Variants in GALNTL6 observed in about 807,000 individuals in gnomAD.
GALNTL6 encodes the protein polypeptide N-acetylgalactosaminyltransferase-like 6.
In GALNTL6, 46 loss-of-function variants were observed where a neutral mutation model predicts 73.7. That is an observed-to-expected ratio of 0.62 (90% CI 0.49 to 0.80). GALNTL6 has a LOEUF of 0.80. Ranked by LOEUF, GALNTL6 falls within the 30% of genes least tolerant of loss-of-function variation. The pLI is 0.00. For missense variants in GALNTL6, 604 were observed against 755.0 expected (o/e 0.80, Z 2.34); for synonymous variants, 259 against 263.7 (o/e 0.98, Z 0.17).
chr4:172,372,403 A>T (rs993927950), intron 5 of GALNTL6, among the ~76,000 whole-genome samples: 3 of 152,170 alleles, frequency 2.0e-5, no homozygotes, highest in Admixed American at 2.0e-4. Flanking sequence ...TTTGGCACCT[A>T]GTATGCCATT....
intron 2 of GALNTL6, among the ~76,000 whole-genome samples, chr4:172,130,041 G>A (rs903328719): frequency 6.6e-6 from 1 of 152,114 alleles, no homozygotes; most frequent in African/African-American, 2.4e-5. Context: ...AGGAAAGTAA[G>A]GGAACACAGA....
intron 5 of GALNTL6, among the ~76,000 whole-genome samples, chr4:172,618,860 A>T (rs2111066521): frequency 6.6e-6 from 1 of 152,174 alleles, no homozygotes; most frequent in South Asian, 2.1e-4. Context: ...AGTAGCTGCG[A>T]TTAAGGGTGC....
chr4:172,319,683 A>G (rs1740688071), intron 4 of GALNTL6, among the ~76,000 whole-genome samples: 1 of 152,206 alleles, frequency 6.6e-6, no homozygotes. Flanking sequence ...TCTGACAATT[A>G]TTTATTAAGC....
chr4:172,587,500 C>T (rs1349560511), intron 5 of GALNTL6, among the ~76,000 whole-genome samples: 1 of 152,172 alleles, frequency 6.6e-6, no homozygotes, highest in Non-Finnish European at 1.5e-5. Context: ...AAAATCAGAA[C>T]TCCTTGGATT....
chr4:172,822,031 C>G (rs988004164), intron 7 of GALNTL6, among the ~76,000 whole-genome samples: 3 of 152,202 alleles, frequency 2.0e-5, no homozygotes, highest in Non-Finnish European at 4.4e-5. Flanking sequence ...TTTCCTTTGT[C>G]AGGGTCAGAA....
intron 7 of GALNTL6, among the ~76,000 whole-genome samples, chr4:172,851,349 A>G (rs1201188130): frequency 6.6e-6 from 1 of 152,070 alleles, no homozygotes; most frequent in Non-Finnish European, 1.5e-5. Flanking sequence ...AGGGTTTAGA[A>G]GCTTTGTGCC....
chr4:172,768,733 A>C (rs1339395274), intron 5 of GALNTL6, among the ~76,000 whole-genome samples: 1 of 152,224 alleles, frequency 6.6e-6, no homozygotes, highest in South Asian at 2.1e-4. Context: ...CTTAGGAGAA[A>C]CCTAGGTCAA....
Position 171,888,775 on chromosome 4 carries a change from T to C in GALNTL6, c.138+74057T>C, listed in dbSNP as rs191109178. On this transcript the variant is annotated intron_variant, in intron 2 of 12. Transcript: ENST00000506823. ...CAAAAATTTAAGCAAATAATGCTTC[T>C]CCTGAATACAGACAGAATACCTACT... is the stretch of plus-strand genomic sequence containing the variant. 1.4e-3 allele frequency among the ~76,000 whole-genome samples: 209 copies of C among 152,210 alleles called. 1 individual carries two copies. The highest frequency in any genetic ancestry group is 4.8e-3 in the African/African-American group (200 of 41,572).
intron 10 of GALNTL6, among the ~76,000 whole-genome samples, chr4:172,999,134 C>G (rs1190840213): frequency 6.6e-6 from 1 of 152,126 alleles, no homozygotes; most frequent in African/African-American, 2.4e-5. Flanking sequence ...GAAGAACTCT[C>G]CAACTTTTCC....
intron 5 of GALNTL6, among the ~76,000 whole-genome samples, chr4:172,732,841 C>G (rs1488895599): frequency 6.6e-6 from 1 of 152,188 alleles, no homozygotes; most frequent in Non-Finnish European, 1.5e-5. Context: ...AAACACAATT[C>G]TACACTTTAT....
chr4:172,757,947 C>T (rs991698659), intron 5 of GALNTL6, among the ~76,000 whole-genome samples: 8 of 152,030 alleles, frequency 5.3e-5, no homozygotes, highest in African/African-American at 1.7e-4. Flanking sequence ...AGCATTCTGC[C>T]GAAGTTCTAT....
At chr4:172,399,805 G>A (rs1743975140) in intron 5 of GALNTL6, among the ~76,000 whole-genome samples, 1 of 152,098 alleles carries the variant, frequency 6.6e-6, no homozygotes, top group Admixed American at 6.6e-5. Flanking sequence ...ATCAAAGCAT[G>A]ATGTTTAAAT....
At chr4:172,589,821 T>C (rs777979707) in intron 5 of GALNTL6, among the ~76,000 whole-genome samples, 11 of 152,312 alleles carry the variant, frequency 7.2e-5, no homozygotes, top group Admixed American at 5.2e-4. Flanking sequence ...TGTGTGTTAG[T>C]GCATGCAGTC....
chr4:172,814,778 G>C (rs145267617), intron 7 of GALNTL6, among the ~76,000 whole-genome samples: 5 of 152,014 alleles, frequency 3.3e-5, no homozygotes, highest in African/African-American at 1.2e-4. Context: ...TACACTTCTA[G>C]TCTTTAGAAA....
chr4:172,559,006 T>C (rs1257938936), intron 5 of GALNTL6, among the ~76,000 whole-genome samples: 1 of 150,254 alleles, frequency 6.7e-6, no homozygotes, highest in African/African-American at 2.4e-5. Flanking sequence ...TTAAAAGATT[T>C]ACATAAAATT....
intron 2 of GALNTL6, among the ~76,000 whole-genome samples, chr4:172,076,348 C>T (rs563928166): frequency 1.7e-4 from 26 of 152,250 alleles, no homozygotes; most frequent in Middle Eastern, 3.4e-3. Context: ...GTAAAGATGT[C>T]GTACTCTTGC....
At chr4:172,173,766 T>C (rs2110828685) in intron 2 of GALNTL6, among the ~76,000 whole-genome samples, 1 of 152,280 alleles carries the variant, frequency 6.6e-6, no homozygotes, top group South Asian at 2.1e-4. Context: ...TAGTATGTCT[T>C]TTTCAGGGAT....
At chr4:172,527,890 A>G (rs1056494743) in intron 5 of GALNTL6, among the ~76,000 whole-genome samples, 1 of 152,186 alleles carries the variant, frequency 6.6e-6, no homozygotes, top group South Asian at 2.1e-4. Flanking sequence ...TATCTCTATC[A>G]TTAATAGTTT....
intron 2 of GALNTL6, among the ~76,000 whole-genome samples, chr4:171,984,798 C>T (rs1740016561): frequency 6.6e-6 from 1 of 151,992 alleles, no homozygotes; most frequent in South Asian, 2.1e-4. Context: ...ATTATATAGC[C>T]AGCATTATCT....
Sources: gnomAD v4.1 joint callset for allele counts (sites outside exome capture counted in the v4.1 genomes callset) on GRCh38, gnomAD v4.1.1 for gene constraint, MANE v1.5 for transcripts, NCBI Gene and HGNC (gene_info 2026-07-23, HGNC 2026-07-21) for gene names.